Variants in ENTHD1 observed in about 807,000 individuals in gnomAD.
ENTHD1 encodes the protein ENTH domain containing 1.
In ENTHD1, 23 loss-of-function variants were observed where a neutral mutation model predicts 39.1. That is an observed-to-expected ratio of 0.59 (90% CI 0.42 to 0.83). The LOEUF (loss-of-function observed/expected upper bound fraction) is 0.83, where lower values mean the gene tolerates loss of function less well. Among genes scored for constraint, ENTHD1 ranks in the 40% least tolerant of loss-of-function variants. ENTHD1 has a pLI of 0.00. For missense variants in ENTHD1, 624 were observed against 705.4 expected, an observed-to-expected ratio of 0.88 and a Z score of 1.31; for synonymous variants, 230 against 258.2, an observed-to-expected ratio of 0.89 and a Z score of 1.05.
intron 2 of ENTHD1, among the ~76,000 whole-genome samples, chr22:39,871,659 T>G (rs988539494): frequency 2.0e-5 from 3 of 152,136 alleles, no homozygotes; most frequent in African/African-American, 7.2e-5. Context: ...GTACAATAAA[T>G]AAAGAGCTCC....
At chr22:39,822,937 A>C (rs764597145) in intron 4 of ENTHD1, among the ~76,000 whole-genome samples, 1 of 152,198 alleles carries the variant, frequency 6.6e-6, no homozygotes, top group African/African-American at 2.4e-5. Flanking sequence ...TTATAGTACA[A>C]TATCATACTC....
chr22:39,890,298 C>T lies in ENTHD1; in HGVS notation c.-155-2395G>A, dbSNP rs559232174. Among the ~76,000 whole-genome samples, 6 of 151,950 alleles carry T rather than the reference C, an allele frequency of 3.9e-5. No homozygotes were observed. In the South Asian group the frequency reaches 1.2e-3, roughly 32 times the overall value. On this transcript the variant is annotated intron_variant, in intron 1 of 6. Transcript: ENST00000325157. ...AAACACAGTCATTTTTATTTGGCAC[C>T]TTCCTGCAGTGAAAAACTGATTTAT...
At chr22:39,806,697 C>T (rs1158353888) in intron 5 of ENTHD1, among the ~76,000 whole-genome samples, 1 of 152,094 alleles carries the variant, frequency 6.6e-6, no homozygotes. Flanking sequence ...CAGGCAAGGA[C>T]AACCCAGCAG....
intron 5 of ENTHD1, among the ~76,000 whole-genome samples, chr22:39,798,677 C>G (rs1451301772): frequency 6.6e-6 from 1 of 152,112 alleles, no homozygotes; most frequent in Non-Finnish European, 1.5e-5. Context: ...GCAGTAGAAA[C>G]AGACACTAAC....
chr22:39,788,892 A>G (rs921438280), intron 5 of ENTHD1, among the ~76,000 whole-genome samples: 16 of 152,200 alleles, frequency 1.1e-4, no homozygotes, highest in Non-Finnish European at 4.4e-5. Context: ...TTTTAGCAAC[A>G]AAGTGTTTTT....
rs758181955 is a variant in ENTHD1 at position 39,765,407 on chromosome 22, G to A, written c.1035C>T (p.Pro345=). The A allele has an allele frequency of 8.1e-6, 13 of 1,613,842 alleles. No individual in the cohort carries two copies. The African/African-American group carries it at 9.3e-5, about 12-fold the overall frequency. The part of the protein sequence containing the change: ...CWSSKEEFIS[P]DLRVSKSDST... ...AATCTGACTTTGATACCCTTAAGTC[G>A]GGGCTGATAAACTCCTCTTTACTTG... The change falls in exon 6 of 7, where the codon CCC becomes CCT. Residue 345 remains proline, a synonymous_variant. Transcript: ENST00000325157.
At chr22:39,835,401 T>C (rs2065901333) in intron 4 of ENTHD1, among the ~76,000 whole-genome samples, 1 of 152,120 alleles carries the variant, frequency 6.6e-6, no homozygotes, top group Non-Finnish European at 1.5e-5. Context: ...GACTCTATCT[T>C]CTACTATACA....
chr22:39,845,501 AAGG>A (rs1295907998), intron 3 of ENTHD1, among the ~76,000 whole-genome samples: 1 of 152,198 alleles, frequency 6.6e-6, no homozygotes, highest in African/African-American at 2.4e-5. Context: ...AGAAGGAGGG[AAGG>A]AGAAGCATGA....
chr22:39,876,514 TAA>T (rs137946), intron 2 of ENTHD1, among the ~76,000 whole-genome samples: 27 of 105,774 alleles, frequency 2.6e-4, no homozygotes, highest in Admixed American at 3.0e-4. Flanking sequence ...ACGGGTCATC[TAA>T]AAAAAAAAAA....
intron 6 of ENTHD1, among the ~76,000 whole-genome samples, chr22:39,764,542 A>G (rs2146554923): frequency 6.6e-6 from 1 of 152,198 alleles, no homozygotes; most frequent in South Asian, 2.1e-4. Context: ...AACCAATAAA[A>G]CTACTACTTA....
intron 5 of ENTHD1, among the ~76,000 whole-genome samples, chr22:39,775,508 C>T (rs2065359040): frequency 6.6e-6 from 1 of 152,124 alleles, no homozygotes. Context: ...ATCCCAGATT[C>T]CCAAATCCCA....
At chr22:39,875,171 A>G in intron 2 of ENTHD1, 1 of 561,014 alleles carries the variant, frequency 1.8e-6, no homozygotes, top group East Asian at 4.2e-5. Context: ...ATACATAACA[A>G]TATGGATGAC....
intron 6 of ENTHD1, among the ~76,000 whole-genome samples, chr22:39,748,123 C>T (rs2065120684): frequency 6.6e-6 from 1 of 152,004 alleles, no homozygotes; most frequent in Admixed American, 6.6e-5. Flanking sequence ...GTGGTGTGTA[C>T]CTGTGGTCCC....
chr22:39,768,600 C>T (rs1042125294), intron 5 of ENTHD1, among the ~76,000 whole-genome samples: 8 of 152,072 alleles, frequency 5.3e-5, no homozygotes, highest in African/African-American at 1.2e-4. Flanking sequence ...TCATTTTTCA[C>T]TTAATTATAT....
At chr22:39,848,340 G>A (rs113752981) in intron 3 of ENTHD1, among the ~76,000 whole-genome samples, 3 of 150,970 alleles carry the variant, frequency 2.0e-5, no homozygotes, top group South Asian at 2.1e-4. Flanking sequence ...TGCAACCTCC[G>A]CCTCCTGGGT....
At chr22:39,802,291 A>G (rs1018201592) in intron 5 of ENTHD1, among the ~76,000 whole-genome samples, 2 of 152,230 alleles carry the variant, frequency 1.3e-5, no homozygotes, top group East Asian at 3.8e-4. Flanking sequence ...AAGACTCAAG[A>G]CTCAGAGAAA....
intron 5 of ENTHD1, among the ~76,000 whole-genome samples, chr22:39,793,749 G>C (rs185662900): frequency 6.6e-6 from 1 of 152,260 alleles, no homozygotes; most frequent in East Asian, 1.9e-4. Flanking sequence ...TGGCATCTTT[G>C]TTGAAAATCA....
intron 2 of ENTHD1, among the ~76,000 whole-genome samples, chr22:39,878,585 A>G (rs189276793): frequency 4.9e-4 from 74 of 152,242 alleles, no homozygotes; most frequent in Middle Eastern, 3.4e-3. Flanking sequence ...TCAACTTCTC[A>G]GAAACCAAAA....
At chr22:39,745,862 C>T (rs1434041229) in intron 6 of ENTHD1, among the ~76,000 whole-genome samples, 2 of 152,150 alleles carry the variant, frequency 1.3e-5, no homozygotes, top group African/African-American at 4.8e-5. Flanking sequence ...TCACTGTCTT[C>T]TTGTTTCTAG....
Sources: gnomAD v4.1 joint callset for allele counts (sites outside exome capture counted in the v4.1 genomes callset) on GRCh38, gnomAD v4.1.1 for gene constraint, MANE v1.5 for transcripts, NCBI Gene and HGNC (gene_info 2026-07-23, HGNC 2026-07-21) for gene names.